The following RASSF2 variants were observed in gnomAD, a reference collection of about 807,000 sequenced individuals.
RASSF2 encodes ras association domain-containing protein 2.
RASSF2 carries 34 observed loss-of-function variants against 46.3 expected under a neutral mutation model. That is an observed-to-expected ratio of 0.73 (90% confidence interval 0.56 to 0.98). RASSF2 has a LOEUF of 0.98. Among genes scored for constraint, RASSF2 ranks in the 50% least tolerant of loss-of-function variants. RASSF2 has a pLI of 0.00. For missense variants in RASSF2, 364 were observed against 431.2 expected (o/e 0.84, Z 1.38); for synonymous variants, 158 against 162.5 (o/e 0.97, Z 0.21).
chr20:4,819,534 G>A (rs1042250816), intron 2 of RASSF2, among the ~76,000 whole-genome samples: 6 of 152,308 alleles, frequency 3.9e-5, no homozygotes, highest in Admixed American at 3.3e-4. Context: ...AGGCGAGGAA[G>A]CTGGAGTATT....
intron 2 of RASSF2, among the ~76,000 whole-genome samples, chr20:4,808,717 C>T (rs1927544225): frequency 6.6e-6 from 1 of 152,046 alleles, no homozygotes; most frequent in Non-Finnish European, 1.5e-5. Context: ...AACTCCTGGC[C>T]TCAAGCAATC....
intron 3 of RASSF2, among the ~76,000 whole-genome samples, chr20:4,799,922 A>G (rs2245483): frequency 0.89 from 135,301 of 152,164 alleles, 60,489 homozygotes; most frequent in African/African-American, 0.97. Context: ...GACCAGCCCG[A>G]CCAACATGGT....
chr20:4,804,422 C>G (rs955242242), intron 2 of RASSF2, among the ~76,000 whole-genome samples: 1 of 140,742 alleles, frequency 7.1e-6, no homozygotes, highest in Non-Finnish European at 1.5e-5. Flanking sequence ...ACTGCAACCT[C>G]TGCCTCCCAG....
rs2122716053 is a variant in RASSF2, at chr20:4,822,352, A to ACT, written c.-57_-56insAG. 1 of 152,344 alleles carries ACT rather than the reference A, an allele frequency of 6.6e-6. No homozygotes were observed. The highest frequency in any genetic ancestry group is 2.1e-4 in the South Asian group (1 of 4,824). The allele number at this position is 152,344 out of a possible 1,614,324, so 9.4% of individuals were successfully genotyped here. A position where few individuals can be genotyped will look rare whatever the true frequency, so the allele number is the denominator to read the frequency against. ...ACTATATCCCCAGGCTGCCGTAGAC[A>ACT]CAGCCTTTGCTCTCCCGAAAAACAC... On this transcript the variant is annotated 5_prime_UTR_variant, in exon 2 of 12. It introduces an in-frame stop codon into an upstream open reading frame of the 5' UTR. Coordinates refer to ENST00000379400, the MANE Select transcript of RASSF2 (RefSeq NM_014737.3).
rs181317683 is a variant in RASSF2, at chr20:4,819,895, G to C, written c.-33+2434C>G. Among the ~76,000 whole-genome samples the C allele has an allele frequency of 1.2e-3, 181 of 152,348 alleles. 1 individual carries two copies. Among genetic ancestry groups the C allele is most frequent in the Middle Eastern group, 6.8e-3 (2 of 294 alleles). On this transcript the variant is annotated intron_variant, in intron 2 of 11. Transcript: ENST00000379400. ...TTGCCCGTTCCACAGGAATGGATGA[G>C]AGGGTCCCTCTCTGGTTCTGCCACA...
intron 11 of RASSF2, 73 bp downstream of exon 11, chr20:4,786,158 C>A (rs567701086): frequency 4.0e-6 from 5 of 1,243,740 alleles, no homozygotes; most frequent in Non-Finnish European, 5.9e-6. Context: ...ACAGTCCCTG[C>A]GAGGACCCAG....
At chr20:4,784,841 C>T (rs1925164879) in intron 11 of RASSF2, among the ~76,000 whole-genome samples, 1 of 152,112 alleles carries the variant, frequency 6.6e-6, no homozygotes, top group Admixed American at 6.6e-5. Flanking sequence ...GCAGAAGAGG[C>T]CATAGCAGCT....
chr20:4,792,496 C>T (rs1466906862), intron 6 of RASSF2, 43 bp downstream of exon 6: 6 of 1,612,960 alleles, frequency 3.7e-6, no homozygotes, highest in South Asian at 2.2e-5. Flanking sequence ...GCGGTCTTCA[C>T]ACAGTTGGTC....
At chr20:4,789,572 G>A in intron 8 of RASSF2, 24 bp downstream of exon 8, 1 of 1,592,506 alleles carries the variant, frequency 6.3e-7, no homozygotes. Flanking sequence ...CCCCATCTGT[G>A]GCCACTCAGC....
At chr20:4,804,901 C>T (rs372460713) in intron 2 of RASSF2, among the ~76,000 whole-genome samples, 6 of 152,054 alleles carry the variant, frequency 3.9e-5, no homozygotes, top group South Asian at 4.1e-4. Context: ...AGGACACCTA[C>T]GGATGAGGGT....
At chr20:4,815,922 T>C (rs529860481) in intron 2 of RASSF2, among the ~76,000 whole-genome samples, 1 of 152,356 alleles carries the variant, frequency 6.6e-6, no homozygotes, top group East Asian at 1.9e-4. Context: ...CAGCCTGAGA[T>C]GGAACCTCCA....
chr20:4,822,038 C>T (rs1928725712), intron 2 of RASSF2, among the ~76,000 whole-genome samples: 1 of 152,234 alleles, frequency 6.6e-6, no homozygotes, highest in Non-Finnish European at 1.5e-5. Context: ...GATATATCTT[C>T]GCCATGCGAG....
At chr20:4,784,888 G>T (rs769462082) in intron 11 of RASSF2, among the ~76,000 whole-genome samples, 39 of 152,304 alleles carry the variant, frequency 2.6e-4, no homozygotes, top group Non-Finnish European at 4.4e-4. Context: ...GGGGAGTTCT[G>T]TTTTCCCACG....
At chr20:4,792,463 A>G in intron 6 of RASSF2, 76 bp downstream of exon 6, 6 of 1,581,326 alleles carry the variant, frequency 3.8e-6, no homozygotes, top group Non-Finnish European at 4.3e-6. Flanking sequence ...AAAAATAAAT[A>G]ACAGTTTACA....
chr20:4,786,210 T>G (rs772899962), intron 11 of RASSF2, 21 bp downstream of exon 11: 2 of 1,573,710 alleles, frequency 1.3e-6, no homozygotes, highest in Non-Finnish European at 1.7e-6. Context: ...GTGCACCCAG[T>G]GCCCCAGAAG....
chr20:4,795,859 T>C lies in RASSF2; in HGVS notation c.243A>G (p.Pro81=), dbSNP rs1176639284. 1 of 1,610,894 alleles carries C rather than the reference T, an allele frequency of 6.2e-7. No homozygotes were observed. Among genetic ancestry groups the C allele is most frequent in the East Asian group, 2.3e-5 (1 of 44,332 alleles). The change falls in exon 5 of 12, where the codon CCA becomes CCG. Residue 81 remains proline, a synonymous_variant. Coordinates refer to ENST00000379400, the MANE Select transcript of RASSF2 (RefSeq NM_014737.3). This position sits in a 1 kb window ranked among gnomAD's most constrained non-coding sequence, Gnocchi z 4.0. ...AGCCAGAGTGCCAGGAGGAGGAGGA[T>C]GGAGGGGGTCGAATGCGTTCGTTGT... ...QDDNERIRPP[P]SSSSWHSGCN...
In RASSF2 at chr20:4,801,051, G is replaced by T. The variant is rs765209031; in HGVS notation, c.-21C>A. ...TCCATTCTTCCTTTCTCTTTTCATC[G>T]GAAGGAGAGGCCTACATTTGGAAGG... On this transcript the variant is annotated 5_prime_UTR_variant, in exon 3 of 12. Transcript: ENST00000379400. 6.2e-7 allele frequency: 1 copy of T among 1,612,642 alleles called. No individual in the cohort carries two copies. Among genetic ancestry groups the T allele is most frequent in the South Asian group, 1.1e-5 (1 of 91,028 alleles).
chr20:4,786,859 G>A lies in RASSF2; in HGVS notation c.814-531C>T, dbSNP rs551521896. On this transcript the variant is annotated intron_variant, in intron 10 of 11. Transcript: ENST00000379400. ...GGCACTTTGGGAGGCTGAGGCGGGC[G>A]GATCACTTGAGGTCAAGAGTTCAAG... is the stretch of plus-strand genomic sequence containing the variant. Among the ~76,000 whole-genome samples, 54 of 152,128 alleles carry A rather than the reference G, an allele frequency of 3.5e-4. 2 individuals are homozygous for A. The South Asian group carries it at 8.7e-3, about 25-fold the overall frequency.
At position 4,780,975 on chromosome 20, in the gene RASSF2, A is replaced by AG. The variant is rs1033360134; in HGVS notation, c.*3297_*3298insC. The stretch of plus-strand genomic sequence containing the variant: ...CAGAACCAGACTCTGTCTCAAAAAA[A>AG]AAAAAAAGAAAGAAAGAAACCTCTC... On this transcript the variant is annotated 3_prime_UTR_variant, in exon 12 of 12. Coordinates refer to ENST00000379400, the MANE Select transcript of RASSF2 (RefSeq NM_014737.3). 3 of 151,634 alleles carry AG rather than the reference A, an allele frequency of 2.0e-5. No individual in the cohort carries two copies. The highest frequency in any genetic ancestry group is 7.3e-5 in the African/African-American group (3 of 41,146). 9.4% of individuals were successfully genotyped at this position (151,634 alleles called of 1,614,324 possible). A position where few individuals can be genotyped will look rare whatever the true frequency, so the allele number is the denominator to read the frequency against.
Sources: gnomAD v4.1 joint callset for allele counts (sites outside exome capture counted in the v4.1 genomes callset) on GRCh38, gnomAD v4.1.1 for gene constraint, Gnocchi (gnomAD v3.1) non-coding constraint, MANE v1.5 for transcripts, NCBI Gene and HGNC (gene_info 2026-07-23, HGNC 2026-07-21) for gene names.